Variants in ABCB5 observed in about 807,000 individuals in gnomAD.
The protein encoded by ABCB5 is ATP-binding cassette sub-family B member 5.
A neutral mutation model predicts 144.2 loss-of-function variants in ABCB5; 155 were observed. That is an observed-to-expected ratio of 1.08 (90% CI 0.94 to 1.23). The LOEUF (loss-of-function observed/expected upper bound fraction) is 1.23, where lower values mean the gene tolerates loss of function less well. Ranked by LOEUF, ABCB5 falls within the 50% of genes most tolerant of loss-of-function variation. The pLI is 0.00. For synonymous variants in ABCB5, 610 were observed against 528.6 expected, an observed-to-expected ratio of 1.15 and a Z score of -2.11; for missense variants, 1,830 against 1,520.8, an observed-to-expected ratio of 1.20 and a Z score of -3.38.
At chr7:20,656,752 A>G (rs1052893495) in intron 13 of ABCB5, among the ~76,000 whole-genome samples, 1 of 152,144 alleles carries the variant, frequency 6.6e-6, no homozygotes, top group Non-Finnish European at 1.5e-5. Flanking sequence ...ATTCCTAGGT[A>G]TTTATTCAAA....
At chr7:20,725,847 C>T (rs1315838658) in intron 21 of ABCB5, among the ~76,000 whole-genome samples, 1 of 152,086 alleles carries the variant, frequency 6.6e-6, no homozygotes, top group Non-Finnish European at 1.5e-5. Context: ...TTCTTTAAGT[C>T]CATTTTTAAA....
At chr7:20,751,676 C>T (rs1156299351) in intron 26 of ABCB5, among the ~76,000 whole-genome samples, 7 of 152,100 alleles carry the variant, frequency 4.6e-5, no homozygotes, top group Non-Finnish European at 1.0e-4. Context: ...ATCATTCCCA[C>T]CTCCCTTCCC....
In ABCB5 at chr7:20,624,051, C is replaced by T. The variant is rs76088992; in HGVS notation, c.53+713C>T. 3.7e-3 allele frequency among the ~76,000 whole-genome samples: 571 copies of T among 152,304 alleles called. 5 individuals are homozygous for T. The highest frequency in any genetic ancestry group is 0.013 in the African/African-American group (524 of 41,566). ...ATCAAAAGAACTGCATTCCAAACTT[C>T]TCCTTTAATGTTTTTGTTGTTATTT... On this transcript the variant is annotated intron_variant, in intron 2 of 27. Coordinates refer to ENST00000404938, the MANE Select transcript of ABCB5 (RefSeq NM_001163941.2).
chr7:20,745,305 AG>A lies in ABCB5; in HGVS notation c.3297del (p.Glu1099AspfsTer24). Reference protein sequence around the residue: ...LRSQIAIVPQEPVLFNCSIAE... With the variant: ...LRSQIAIVPQXPVLFNCSIAE... ...TCCCAAATAGCAATCGTTCCTCAAGAGCCTGTGCTCTTCAACTGCAGCATTG... is the reference window on the plus strand; with the variant it reads ...TCCCAAATAGCAATCGTTCCTCAAGACCTGTGCTCTTCAACTGCAGCATTG... On this transcript the variant is annotated frameshift_variant, in exon 26 of 28. Transcript: ENST00000404938. LOFTEE classifies it high-confidence loss of function. 1 of 1,614,086 alleles carries A rather than the reference AG, an allele frequency of 6.2e-7. No individual in the cohort carries two copies. Among genetic ancestry groups the A allele is most frequent in the Non-Finnish European group, 8.5e-7 (1 of 1,179,958 alleles).
At chr7:20,675,284 C>G (rs1375208778) in intron 14 of ABCB5, among the ~76,000 whole-genome samples, 1 of 151,840 alleles carries the variant, frequency 6.6e-6, no homozygotes, top group African/African-American at 2.4e-5. Flanking sequence ...TAGTACTTGC[C>G]TAAAAATAAA....
intron 1 of ABCB5, among the ~76,000 whole-genome samples, chr7:20,621,833 A>T (rs1335949690): frequency 6.6e-6 from 1 of 152,172 alleles, no homozygotes; most frequent in East Asian, 1.9e-4. Flanking sequence ...TTGACTTGTT[A>T]AAATTTTACC....
At chr7:20,688,836 G>T (rs1356723162) in intron 16 of ABCB5, among the ~76,000 whole-genome samples, 1 of 152,112 alleles carries the variant, frequency 6.6e-6, no homozygotes, top group Non-Finnish European at 1.5e-5. Context: ...GGATGAAGCT[G>T]GAAACCATCT....
chr7:20,650,224 C>A, intron 12 of ABCB5, 77 bp downstream of exon 12: 1 of 1,538,296 alleles, frequency 6.5e-7, no homozygotes, highest in Non-Finnish European at 8.8e-7. Flanking sequence ...AGCTCTGTAA[C>A]TTTTCATTTT....
intron 17 of ABCB5, among the ~76,000 whole-genome samples, 166 bp from the exon 18 acceptor site, chr7:20,699,659 A>C (rs1786545505): frequency 1.3e-5 from 2 of 152,094 alleles, no homozygotes; most frequent in African/African-American, 4.8e-5. Context: ...CAAGACTGAG[A>C]TCGCAACACT....
At chr7:20,690,946 G>A (rs1786200207) in intron 16 of ABCB5, among the ~76,000 whole-genome samples, 1 of 152,122 alleles carries the variant, frequency 6.6e-6, no homozygotes, top group Non-Finnish European at 1.5e-5. Flanking sequence ...AACCAAGATA[G>A]ATTAACAGGG....
rs1221988187 is a variant in ABCB5 at position 20,623,120 on chromosome 7, ATT to A, written c.-21-144_-21-143del. On this transcript the variant is annotated intron_variant, in intron 1 of 27. Coordinates refer to ENST00000404938, the MANE Select transcript of ABCB5 (RefSeq NM_001163941.2). ...ATGAACTGCCTAGCCAGAAACTTCA[ATT>A]GGAGTGGGGGGCTGGGCAGGGCGAA... 5.3e-6 allele frequency: 3 copies of A among 571,052 alleles called. No individual in the cohort carries two copies. The African/African-American group carries it at 5.8e-5, about 11-fold the overall frequency. 35.4% of individuals were successfully genotyped at this position (571,052 alleles called of 1,614,324 possible).
chr7:20,626,395 A>T (rs1270570812), intron 2 of ABCB5, among the ~76,000 whole-genome samples, 162 bp from the exon 3 acceptor site: 2 of 152,242 alleles, frequency 1.3e-5, no homozygotes, highest in Non-Finnish European at 2.9e-5. Context: ...TTTACAGACA[A>T]CCAGTGACAA....
intron 14 of ABCB5, among the ~76,000 whole-genome samples, chr7:20,670,759 A>C (rs1030295954): frequency 1.3e-5 from 2 of 152,286 alleles, no homozygotes; most frequent in Admixed American, 6.5e-5. Context: ...AAAATACAAA[A>C]TTAGGCAGGC....
intron 20 of ABCB5, among the ~76,000 whole-genome samples, chr7:20,705,238 G>C (rs1786782143): frequency 6.6e-6 from 1 of 152,156 alleles, no homozygotes; most frequent in Admixed American, 6.5e-5. Flanking sequence ...GTGTGCATCA[G>C]AAATGATTCT....
At chr7:20,628,965 C>A in intron 4 of ABCB5, 127 bp downstream of exon 4, 2 of 1,093,648 alleles carry the variant, frequency 1.8e-6, no homozygotes, top group Non-Finnish European at 2.5e-6. Context: ...GTATTTAAGT[C>A]ATTTATTCTG....
intron 15 of ABCB5, among the ~76,000 whole-genome samples, chr7:20,683,447 G>A (rs1396209783): frequency 1.3e-5 from 2 of 152,090 alleles, no homozygotes; most frequent in African/African-American, 4.8e-5. Flanking sequence ...GTCGAATTAA[G>A]CCTATTTTAA....
intron 14 of ABCB5, chr7:20,666,712 G>T (rs752732164): frequency 6.3e-7 from 1 of 1,581,404 alleles, no homozygotes; most frequent in South Asian, 1.2e-5. Context: ...AATCTGTGAA[G>T]TAGGATAGGA....
chr7:20,700,013 G>A (rs1486384868), intron 18 of ABCB5, 45 bp from the exon 19 acceptor site: 2 of 1,603,822 alleles, frequency 1.2e-6, no homozygotes, highest in South Asian at 2.2e-5. Context: ...TCAACTAAAT[G>A]TTACAAAGGA....
Position 20,645,782 on chromosome 7 carries a change from A to G in ABCB5, c.705A>G (p.Glu235=), listed in dbSNP as rs770786235. The G allele has an allele frequency of 7.4e-6, 12 of 1,613,842 alleles. No individual in the cohort carries two copies. In the South Asian group the frequency reaches 1.3e-4, roughly 18 times the overall value. ...TGGTCATCTCATTGACCAGTAAGGA[A>G]TTAAGTGCCTATTCCAAAGCTGGGG... is the stretch of plus-strand genomic sequence containing the variant. ...SRMVISLTSK[E]LSAYSKAGAV... is the part of the protein sequence containing the mutation. The change falls in exon 8 of 28, where the codon GAA becomes GAG. Residue 235 remains glutamate, a synonymous_variant. Coordinates refer to ENST00000404938, the MANE Select transcript of ABCB5 (RefSeq NM_001163941.2).
Sources: allele counts gnomAD v4.1 joint callset (sites outside exome capture counted in the v4.1 genomes callset), GRCh38; gene constraint gnomAD v4.1.1; transcripts MANE v1.5; gene names NCBI Gene and HGNC (gene_info 2026-07-23, HGNC 2026-07-21).